DTWD2: variants seen among roughly 807,000 people sequenced by gnomAD.
DTWD2 encodes the protein tRNA-uridine aminocarboxypropyltransferase 2.
A neutral mutation model predicts 31.8 loss-of-function variants in DTWD2; 39 were observed. That is an observed-to-expected ratio of 1.22 (90% CI 0.95 to 1.60). The LOEUF (loss-of-function observed/expected upper bound fraction) is 1.60. DTWD2 is among the 40% of genes most tolerant of loss of function. The probability of loss-of-function intolerance (pLI) is 0.00; values close to 1 mark genes in which losing one functional copy is unlikely to be tolerated. For missense variants in DTWD2, 515 were observed against 381.5 expected (o/e 1.35, Z -2.92); for synonymous variants, 180 against 142.8 (o/e 1.26, Z -1.86).
chr5:118,858,870 A>G (rs1278345322), intron 4 of DTWD2, among the ~76,000 whole-genome samples: 1 of 152,182 alleles, frequency 6.6e-6, no homozygotes, highest in East Asian at 1.9e-4. Context: ...AGGTCCACAC[A>G]TTGCAGTTAG....
chr5:118,941,243 T>C (rs921527041), intron 2 of DTWD2, among the ~76,000 whole-genome samples: 1 of 152,146 alleles, frequency 6.6e-6, no homozygotes, highest in African/African-American at 2.4e-5. Context: ...TTGTTACATA[T>C]GTATACATGT....
chr5:118,950,213 CA>C (rs764214153), intron 1 of DTWD2, among the ~76,000 whole-genome samples: 4,236 of 49,616 alleles, frequency 0.085, 57 homozygotes, highest in African/African-American at 0.23. Flanking sequence ...ACTCCATCTC[CA>C]AAAAAAAAAA....
intron 1 of DTWD2, among the ~76,000 whole-genome samples, chr5:118,972,625 T>C (rs1036718676): frequency 3.9e-5 from 6 of 152,238 alleles, no homozygotes; most frequent in Non-Finnish European, 7.3e-5. Flanking sequence ...ACTCATTTTA[T>C]GAAGCCAGCA....
rs547515259 is a variant in DTWD2, at chr5:118,974,219, C to G, written c.218+14075G>C. On this transcript the variant is annotated intron_variant, in intron 1 of 5. Transcript: ENST00000510708. ...CTCAGAATCTAAACGTGGTCACCTT[C>G]GAGTAGAGAGGCCCGCCCGCCCACC... is the stretch of plus-strand genomic sequence containing the variant. 580 of 1,203,798 alleles carry G rather than the reference C, an allele frequency of 4.8e-4. 13 individuals carry two copies. The South Asian group carries it at 6.6e-3, about 14-fold the overall frequency. The allele number at this position is 1,203,798 out of a possible 1,614,324, so 74.6% of individuals were successfully genotyped here.
chr5:118,965,859 G>C (rs1055996443), intron 1 of DTWD2, among the ~76,000 whole-genome samples: 2 of 151,846 alleles, frequency 1.3e-5, no homozygotes, highest in African/African-American at 4.8e-5. Context: ...TTGTTTGTCT[G>C]CTGACCTTCC....
At chr5:118,947,243 C>G (rs114855042) in intron 1 of DTWD2, among the ~76,000 whole-genome samples, 3,348 of 152,276 alleles carry the variant, frequency 0.022, 133 homozygotes, top group African/African-American at 0.076. Context: ...GCATGTGATA[C>G]AGTGCTCTTT....
intron 1 of DTWD2, among the ~76,000 whole-genome samples, chr5:118,965,796 T>C (rs965507937): frequency 5.3e-5 from 8 of 152,166 alleles, no homozygotes; most frequent in Non-Finnish European, 1.0e-4. Flanking sequence ...GATACAAACA[T>C]TGCGGAAGGC....
intron 4 of DTWD2, among the ~76,000 whole-genome samples, chr5:118,924,917 T>C (rs894641842): frequency 1.3e-5 from 2 of 152,152 alleles, no homozygotes; most frequent in African/African-American, 4.8e-5. Flanking sequence ...CTCATGGGAT[T>C]TGGGGAAAGA....
chr5:118,971,700 C>T (rs1754991734), intron 1 of DTWD2, among the ~76,000 whole-genome samples: 1 of 152,186 alleles, frequency 6.6e-6, no homozygotes, highest in Non-Finnish European at 1.5e-5. Context: ...AGACACATGG[C>T]ACTTACTCAA....
At chr5:118,845,251 T>G (rs186409309) in intron 5 of DTWD2, among the ~76,000 whole-genome samples, 32 of 152,354 alleles carry the variant, frequency 2.1e-4, no homozygotes, top group Admixed American at 2.0e-3. Context: ...CTTAAGGTTT[T>G]ATTAGAATGC....
intron 1 of DTWD2, among the ~76,000 whole-genome samples, chr5:118,971,817 A>C (rs1245121367): frequency 6.6e-6 from 1 of 152,264 alleles, no homozygotes; most frequent in Non-Finnish European, 1.5e-5. Flanking sequence ...ACTGAAGGTT[A>C]AGAAACTCAC....
chr5:118,849,249 T>C (rs1751941415), intron 4 of DTWD2, among the ~76,000 whole-genome samples: 1 of 152,170 alleles, frequency 6.6e-6, no homozygotes, highest in South Asian at 2.1e-4. Context: ...AGTATACATT[T>C]ATGTGGCCAA....
intron 1 of DTWD2, among the ~76,000 whole-genome samples, chr5:118,969,139 A>C (rs776087772): frequency 5.2e-4 from 77 of 147,570 alleles, no homozygotes; most frequent in Non-Finnish European, 9.8e-4. Context: ...CACTAGCCTG[A>C]GTTATATGAA....
chr5:118,896,409 G>A (rs1291960081), intron 4 of DTWD2, among the ~76,000 whole-genome samples: 1 of 151,574 alleles, frequency 6.6e-6, no homozygotes, highest in Non-Finnish European at 1.5e-5. Flanking sequence ...TGAAAAACAT[G>A]AGTCTGAAAA....
intron 5 of DTWD2, among the ~76,000 whole-genome samples, chr5:118,847,036 G>A (rs1274084763): frequency 1.3e-5 from 2 of 151,804 alleles, no homozygotes; most frequent in Admixed American, 6.6e-5. Flanking sequence ...ACAGCTTAGG[G>A]TAGAGGAGAG....
chr5:118,964,686 C>T (rs891407486), intron 1 of DTWD2, among the ~76,000 whole-genome samples: 4 of 152,260 alleles, frequency 2.6e-5, no homozygotes, highest in Non-Finnish European at 4.4e-5. Flanking sequence ...GAATGATCTG[C>T]CAGCCTCGGC....
At chr5:118,952,567 T>C (rs539489777) in intron 1 of DTWD2, among the ~76,000 whole-genome samples, 1 of 152,270 alleles carries the variant, frequency 6.6e-6, no homozygotes, top group East Asian at 1.9e-4. Flanking sequence ...GAATTGGCCA[T>C]TTTCACTTCT....
chr5:118,855,037 T>G (rs781176357), intron 4 of DTWD2, among the ~76,000 whole-genome samples: 3 of 151,464 alleles, frequency 2.0e-5, no homozygotes, highest in Non-Finnish European at 4.4e-5. Context: ...CGTGGTGGCA[T>G]GCACCTGTGG....
chr5:118,857,923 G>A (rs1752175898), intron 4 of DTWD2, among the ~76,000 whole-genome samples: 2 of 152,154 alleles, frequency 1.3e-5, no homozygotes, highest in Admixed American at 1.3e-4. Context: ...CCATCATCAA[G>A]CGACTACGCC....
Sources: allele counts gnomAD v4.1 joint callset (sites outside exome capture counted in the v4.1 genomes callset), GRCh38; gene constraint gnomAD v4.1.1; transcripts MANE v1.5; gene names NCBI Gene and HGNC (gene_info 2026-07-23, HGNC 2026-07-21).